The following SPACA9 variants were observed in gnomAD, a reference collection of about 807,000 sequenced individuals.
SPACA9 encodes the protein sperm acrosome-associated protein 9.
A neutral mutation model predicts 12.5 loss-of-function variants in SPACA9; 14 were observed. The observed-to-expected ratio is 1.12, with a 90% CI of 0.74 to 1.75. The LOEUF (loss-of-function observed/expected upper bound fraction) is 1.75, where lower values mean the gene tolerates loss of function less well. SPACA9 is among the 40% of genes most tolerant of loss of function. SPACA9 has a pLI of 0.00. For missense variants in SPACA9, 292 were observed against 291.9 expected (o/e 1.00, Z 0.00); for synonymous variants, 111 against 114.1 (o/e 0.97, Z 0.17).
rs200219145 is a variant in SPACA9 at position 132,887,327 on chromosome 9, G to T, written c.145-42G>T. On this transcript the variant is annotated intron_variant, in intron 2 of 3. Coordinates refer to ENST00000356311, the MANE Select transcript of SPACA9 (RefSeq NM_001316897.2). This position sits in a 1 kb window ranked among gnomAD's most constrained non-coding sequence, Gnocchi z 5.4. ...TTGCACCATAAGCCAGCCAGGACCC[G>T]GGTTGGCATGTCCCCAGCTCATGTG... The T allele has an allele frequency of 6.3e-7, 1 of 1,580,108 alleles. No homozygotes were observed. The highest frequency in any genetic ancestry group is 1.1e-5 in the South Asian group (1 of 90,322).
chr9:132,886,887 C>CT (rs1038628064), intron 2 of SPACA9, among the ~76,000 whole-genome samples: 4 of 152,142 alleles, frequency 2.6e-5, no homozygotes, highest in African/African-American at 9.7e-5. Context: ...TCTCGGCTCA[C>CT]TGCAGCCTCC....
At position 132,889,370 on chromosome 9, in the gene SPACA9, A is replaced by G; in HGVS notation, c.*759A>G. 24 of 985,512 alleles carry G rather than the reference A, an allele frequency of 2.4e-5. No individual in the cohort carries two copies. Among genetic ancestry groups the G allele is most frequent in the Non-Finnish European group, 2.9e-5 (24 of 829,972 alleles). The allele number at this position is 985,512 out of a possible 1,614,324, so 61.0% of individuals were successfully genotyped here. On this transcript the variant is annotated 3_prime_UTR_variant, in exon 4 of 4. Coordinates refer to ENST00000356311, the MANE Select transcript of SPACA9 (RefSeq NM_001316897.2). ...TTGCGAGCCAGGGATGCTCCCCTCC[A>G]GGATGGAGTGGGGGTCGGCATGTGG...
At chr9:132,878,374 G>A, upstream of SPACA9, 2 of 1,248,254 alleles carry the variant, frequency 1.6e-6, no homozygotes, top group Non-Finnish European at 1.0e-6. The surrounding 1 kb of genome is among the most constrained non-coding windows in gnomAD (Gnocchi z 4.7). Flanking sequence ...CCAGATACCC[G>A]ATCCTCGGTC....
chr9:132,879,411 C>G (rs925086011), intron 1 of SPACA9, among the ~76,000 whole-genome samples: 1 of 152,174 alleles, frequency 6.6e-6, no homozygotes, highest in Non-Finnish European at 1.5e-5. Context: ...TCTGGCTCCG[C>G]TTCTTACTGT....
intron 1 of SPACA9, among the ~76,000 whole-genome samples, chr9:132,883,275 C>T (rs372403106): frequency 7.9e-5 from 12 of 152,356 alleles, no homozygotes; most frequent in African/African-American, 2.6e-4. Context: ...GACCAAGGCT[C>T]CTGCCCCCAG....
In SPACA9 at chr9:132,883,499, GGCGTGTGTGTACACGCGT is replaced by G. The variant is rs999110974; in HGVS notation, c.-37-401_-37-384del. 5.9e-5 allele frequency among the ~76,000 whole-genome samples: 9 copies of G among 152,174 alleles called. No homozygotes were observed. In the South Asian group the frequency reaches 6.2e-4, roughly 11 times the overall value. On this transcript the variant is annotated intron_variant, in intron 1 of 3. Coordinates refer to ENST00000356311, the MANE Select transcript of SPACA9 (RefSeq NM_001316897.2). ...CTGACACCACAGCAAGGGATTGGAG[GGCGTGTGTGTACACGCGT>G]GCGTGTGTGTGTGTATGCATGTACC...
intron 1 of SPACA9, among the ~76,000 whole-genome samples, chr9:132,881,581 C>G (rs555004892): frequency 6.6e-6 from 1 of 151,436 alleles, no homozygotes; most frequent in East Asian, 1.9e-4. Context: ...GCCTAGCTGA[C>G]GTGGTGAAAT....
At chr9:132,878,663 A>C, upstream of SPACA9, 2 of 998,574 alleles carry the variant, frequency 2.0e-6, no homozygotes, top group Non-Finnish European at 2.4e-6. The surrounding 1 kb of genome is among the most constrained non-coding windows in gnomAD (Gnocchi z 4.7). Flanking sequence ...TTTAAAACAG[A>C]CGCGGGAATA....
chr9:132,885,643 A>G (rs997913267), intron 2 of SPACA9, among the ~76,000 whole-genome samples: 1 of 152,088 alleles, frequency 6.6e-6, no homozygotes, highest in Admixed American at 6.5e-5. Flanking sequence ...CCCCTGAGCT[A>G]TTGGAAAATA....
At chr9:132,882,729 T>C (rs964430628) in intron 1 of SPACA9, among the ~76,000 whole-genome samples, 1 of 152,144 alleles carries the variant, frequency 6.6e-6, no homozygotes, top group Non-Finnish European at 1.5e-5. Context: ...AACATCTCCC[T>C]TGGACTGGAC....
At chr9:132,881,114 G>T (rs1167010780) in intron 1 of SPACA9, among the ~76,000 whole-genome samples, 1 of 151,692 alleles carries the variant, frequency 6.6e-6, no homozygotes, top group Non-Finnish European at 1.5e-5. Context: ...GTGAGCTACC[G>T]CGCCCAGCCA....
upstream of SPACA9, chr9:132,878,412 C>T (rs1302599704): frequency 4.9e-6 from 6 of 1,236,836 alleles, no homozygotes; most frequent in Non-Finnish European, 6.1e-6. The surrounding 1 kb of genome is among the most constrained non-coding windows in gnomAD (Gnocchi z 4.7). Context: ...CCCGACCTCC[C>T]CGGCTGACGC....
Position 132,888,076 on chromosome 9 carries a change from C to T in SPACA9, c.348-214C>T, listed in dbSNP as rs1002565286. Among the ~76,000 whole-genome samples the T allele has an allele frequency of 6.6e-6, 1 of 152,186 alleles. No homozygotes were observed. Among genetic ancestry groups the T allele is most frequent in the Non-Finnish European group, 1.5e-5 (1 of 68,032 alleles). ...CTACGGACCATGGGGCAGTGGTTTG[C>T]ATCTCCTGTCTTTCACACCAGAATT... On this transcript the variant is annotated intron_variant, in intron 3 of 3. Transcript: ENST00000356311. This position sits in a 1 kb window ranked among gnomAD's most constrained non-coding sequence, Gnocchi z 5.0.
In SPACA9 at chr9:132,888,898, G is replaced by A. The variant is rs1844655142; in HGVS notation, c.*287G>A. 1 of 652,728 alleles carries A rather than the reference G, an allele frequency of 1.5e-6. No homozygotes were observed. Among genetic ancestry groups the A allele is most frequent in the South Asian group, 3.3e-5 (1 of 30,382 alleles). The allele number at this position is 652,728 out of a possible 1,614,324, so 40.4% of individuals were successfully genotyped here. The stretch of plus-strand genomic sequence containing the variant: ...TTCTCCTGCCTCAGCCTCCCAAGTA[G>A]CTGGGACTACAGGCGCCCACCACCT... On this transcript the variant is annotated 3_prime_UTR_variant, in exon 4 of 4. Transcript: ENST00000356311. The surrounding 1 kb of genome is among the most constrained non-coding windows in gnomAD (Gnocchi z 5.0).
intron 2 of SPACA9, among the ~76,000 whole-genome samples, chr9:132,886,958 C>T (rs1381226485): frequency 1.3e-5 from 2 of 151,880 alleles, no homozygotes; most frequent in African/African-American, 2.4e-5. Context: ...ATTACAGGCA[C>T]GTGCCACCAC....
In SPACA9 at chr9:132,888,537, C is replaced by T. The variant is rs772894852; in HGVS notation, c.595C>T (p.Gln199Ter). The T allele has an allele frequency of 6.4e-6, 10 of 1,561,818 alleles. No homozygotes were observed. In the South Asian group the frequency reaches 7.0e-5, roughly 11 times the overall value. The change falls in exon 4 of 4, where the codon CAG (glutamine) becomes TAG (stop). Residue 199 changes from glutamine (Q) to a stop codon, truncating the protein, a stop_gained. Coordinates refer to ENST00000356311, the MANE Select transcript of SPACA9 (RefSeq NM_001316897.2). LOFTEE classifies it high-confidence loss of function. This position sits in a 1 kb window ranked among gnomAD's most constrained non-coding sequence, Gnocchi z 5.0. ...QPRATKHKCRQLTKASLKPRG... is the reference protein window; with the variant it reads ...QPRATKHKCR Reference sequence around the variant, plus strand: ...CAGGGCCACTAAACACAAGTGTAGACAGCTCACAAAAGCCAGCCTCAAACC... The same window carrying T: ...CAGGGCCACTAAACACAAGTGTAGATAGCTCACAAAAGCCAGCCTCAAACC...
At chr9:132,878,363 C>A (rs1408468325), upstream of SPACA9, 13 of 1,253,148 alleles carry the variant, frequency 1.0e-5, no homozygotes, top group African/African-American at 1.6e-5. This position sits in a 1 kb window ranked among gnomAD's most constrained non-coding sequence, Gnocchi z 4.7. Flanking sequence ...CCGCGCCGGG[C>A]CCAGATACCC....
In SPACA9 at chr9:132,887,354, C is replaced by T. The variant is rs773357134; in HGVS notation, c.145-15C>T. On this transcript the variant is annotated splice_polypyrimidine_tract_variant and intron_variant, in intron 2 of 3. Transcript: ENST00000356311. This position sits in a 1 kb window ranked among gnomAD's most constrained non-coding sequence, Gnocchi z 5.4. Reference sequence around the variant, plus strand: ...GTTGGCATGTCCCCAGCTCATGTGGCGGCGGCCCTTGCAGGTGCAGAGCTA... The same window carrying T: ...GTTGGCATGTCCCCAGCTCATGTGGTGGCGGCCCTTGCAGGTGCAGAGCTA... The T allele has an allele frequency of 2.1e-5, 33 of 1,606,698 alleles. No individual in the cohort carries two copies. In the East Asian group the frequency reaches 4.9e-4, roughly 24 times the overall value.
At position 132,888,554 on chromosome 9, in the gene SPACA9, C is replaced by T. The variant is rs1455879244; in HGVS notation, c.612C>T (p.Ser204=). The T allele has an allele frequency of 5.2e-6, 8 of 1,553,290 alleles. No individual in the cohort carries two copies. Among genetic ancestry groups the T allele is most frequent in the Non-Finnish European group, 3.5e-6 (4 of 1,148,520 alleles). Residue 204 remains serine, a synonymous_variant, in exon 4 of 4, where the codon AGC becomes AGT. Transcript: ENST00000356311. The surrounding 1 kb of genome is among the most constrained non-coding windows in gnomAD (Gnocchi z 5.0). ...KHKCRQLTKA[S]LKPRGCSKPP... ...AGTGTAGACAGCTCACAAAAGCCAGCCTCAAACCCAGGGGATGTTCAAAAC... is the reference window on the plus strand; with the variant it reads ...AGTGTAGACAGCTCACAAAAGCCAGTCTCAAACCCAGGGGATGTTCAAAAC...
Sources: allele counts gnomAD v4.1 joint callset (sites outside exome capture counted in the v4.1 genomes callset), GRCh38; gene constraint gnomAD v4.1.1; non-coding constraint Gnocchi (gnomAD v3.1); transcripts MANE v1.5; gene names NCBI Gene and HGNC (gene_info 2026-07-23, HGNC 2026-07-21).